Variants in CENPP observed in about 807,000 individuals in gnomAD.
CENPP encodes centromere protein P.
A neutral mutation model predicts 35.6 loss-of-function variants in CENPP; 24 were observed. The observed-to-expected ratio is 0.67, with a 90% CI of 0.49 to 0.95. The LOEUF (loss-of-function observed/expected upper bound fraction) is 0.95, where lower values mean the gene tolerates loss of function less well. Among genes scored for constraint, CENPP ranks in the 40% least tolerant of loss-of-function variants. The probability of loss-of-function intolerance (pLI) is 0.00; values close to 1 mark genes in which losing one functional copy is unlikely to be tolerated. For missense variants in CENPP, 332 were observed against 345.3 expected, an observed-to-expected ratio of 0.96 and a Z score of 0.31; for synonymous variants, 120 against 125.5, an observed-to-expected ratio of 0.96 and a Z score of 0.29.
intron 5 of CENPP, among the ~76,000 whole-genome samples, chr9:92,582,257 C>T (rs896440661): frequency 3.3e-5 from 5 of 151,966 alleles, no homozygotes; most frequent in South Asian, 2.1e-4. Context: ...GGGGTTTTGC[C>T]GTGTTGCCCA....
intron 5 of CENPP, among the ~76,000 whole-genome samples, chr9:92,388,513 C>T (rs1031522272): frequency 6.6e-6 from 1 of 151,640 alleles, no homozygotes; most frequent in African/African-American, 2.4e-5. Flanking sequence ...GAGTGACCAA[C>T]TCAAATTAAT....
At chr9:92,347,698 A>G (rs573770151) in intron 4 of CENPP, among the ~76,000 whole-genome samples, 1 of 152,210 alleles carries the variant, frequency 6.6e-6, no homozygotes, top group Admixed American at 6.5e-5. Flanking sequence ...TTCTACCTTG[A>G]TCTTCCCTTA....
chr9:92,475,249 A>T (rs961509652), intron 5 of CENPP, among the ~76,000 whole-genome samples: 5 of 152,250 alleles, frequency 3.3e-5, no homozygotes, highest in African/African-American at 1.2e-4. Flanking sequence ...ATAGTAAAAT[A>T]AAAGAGTATA....
chr9:92,573,506 C>T (rs971179712), intron 5 of CENPP, among the ~76,000 whole-genome samples: 47 of 152,290 alleles, frequency 3.1e-4, no homozygotes, highest in African/African-American at 1.1e-3. Context: ...GTCAGTCGGC[C>T]CCTACTTGGA....
chr9:92,604,009 G>A lies in CENPP; in HGVS notation c.565-7305G>A, dbSNP rs189386220. Among the ~76,000 whole-genome samples the A allele has an allele frequency of 5.0e-3, 766 of 152,284 alleles. 6 individuals are homozygous for A. Among genetic ancestry groups the A allele is most frequent in the African/African-American group, 0.011 (455 of 41,552 alleles). ...ATCACTTGCTGCTCCCAGTTTTGGC[G>A]CTCTTACTAATGATCGTTTGCATGC... On this transcript the variant is annotated intron_variant, in intron 5 of 7. Transcript: ENST00000375587.
intron 4 of CENPP, among the ~76,000 whole-genome samples, chr9:92,355,011 G>A (rs1841553663): frequency 6.6e-6 from 1 of 152,056 alleles, no homozygotes. Flanking sequence ...ACTAATAAGG[G>A]TCCAACAAAG....
intron 5 of CENPP, among the ~76,000 whole-genome samples, chr9:92,442,857 A>G (rs1260474881): frequency 6.6e-6 from 1 of 152,090 alleles, no homozygotes; most frequent in African/African-American, 2.4e-5. Flanking sequence ...TCAAAAAAAA[A>G]AAAAACATTG....
At chr9:92,567,397 G>GATAT (rs762810461) in intron 5 of CENPP, among the ~76,000 whole-genome samples, 1 of 51,582 alleles carries the variant, frequency 1.9e-5, no homozygotes, top group African/African-American at 9.2e-5. Context: ...TATATATATA[G>GATAT]ATATATATAT....
rs1851538891 is a variant in CENPP at position 92,619,071 on chromosome 9, T to C, written c.*5922T>C. 1 of 225,180 alleles carries C rather than the reference T, an allele frequency of 4.4e-6. No individual in the cohort carries two copies. Among genetic ancestry groups the C allele is most frequent in the Admixed American group, 5.1e-5 (1 of 19,490 alleles). 13.9% of individuals were successfully genotyped at this position (225,180 alleles called of 1,614,324 possible). On this transcript the variant is annotated 3_prime_UTR_variant, in exon 8 of 8. Transcript: ENST00000375587. ...AATGCGCGCCTCACAGGCTTTCAAA[T>C]GACTGTGGTGGTAAAAAGGCAGGTG... is the stretch of plus-strand genomic sequence containing the variant.
At chr9:92,416,704 G>A (rs756795412) in intron 5 of CENPP, 1 of 1,613,640 alleles carries the variant, frequency 6.2e-7, no homozygotes, top group South Asian at 1.1e-5. Flanking sequence ...GTCCAACACT[G>A]AGTTCTACAA....
intron 5 of CENPP, among the ~76,000 whole-genome samples, chr9:92,529,609 G>C (rs1848625428): frequency 6.6e-6 from 1 of 152,038 alleles, no homozygotes; most frequent in Non-Finnish European, 1.5e-5. Context: ...TCAGACAATG[G>C]AATATTATTC....
intron 5 of CENPP, among the ~76,000 whole-genome samples, chr9:92,422,823 A>G (rs761254105): frequency 6.6e-6 from 1 of 151,978 alleles, no homozygotes; most frequent in Non-Finnish European, 1.5e-5. Context: ...TCATTCCCCA[A>G]CTAATCTCTT....
intron 5 of CENPP, among the ~76,000 whole-genome samples, chr9:92,552,614 CAT>C (rs1216219356): frequency 1.3e-5 from 2 of 152,046 alleles, no homozygotes; most frequent in African/African-American, 2.4e-5. Context: ...AGCGTTTTTT[CAT>C]ATGTTTGTTG....
intron 5 of CENPP, among the ~76,000 whole-genome samples, chr9:92,430,752 T>G (rs1588125245): frequency 6.6e-6 from 1 of 152,156 alleles, no homozygotes; most frequent in South Asian, 2.1e-4. Flanking sequence ...ACTGTTCATT[T>G]TAGGACTATT....
At chr9:92,452,957 A>AT (rs1224737831) in intron 5 of CENPP, among the ~76,000 whole-genome samples, 1 of 152,048 alleles carries the variant, frequency 6.6e-6, no homozygotes, top group African/African-American at 2.4e-5. Context: ...CCCCTTTATC[A>AT]TTTTTTATTG....
At chr9:92,362,550 T>G (rs1048517093) in intron 4 of CENPP, among the ~76,000 whole-genome samples, 2 of 152,254 alleles carry the variant, frequency 1.3e-5, no homozygotes, top group Non-Finnish European at 1.5e-5. Flanking sequence ...ATAGGTGATA[T>G]TAAGTTTTTC....
chr9:92,466,697 A>G, intron 5 of CENPP: 1 of 842,876 alleles, frequency 1.2e-6, no homozygotes, highest in East Asian at 2.5e-5. Flanking sequence ...TCACCCATGT[A>G]AAAACTTTCC....
At chr9:92,368,765 G>A (rs2130848401) in intron 4 of CENPP, among the ~76,000 whole-genome samples, 1 of 152,002 alleles carries the variant, frequency 6.6e-6, no homozygotes, top group Non-Finnish European at 1.5e-5. Flanking sequence ...TGGCTCAGAT[G>A]CAGTGGTTCA....
chr9:92,545,990 C>T (rs1429725730), intron 5 of CENPP, among the ~76,000 whole-genome samples: 3 of 151,160 alleles, frequency 2.0e-5, no homozygotes, highest in African/African-American at 4.9e-5. Flanking sequence ...CAGTCAGCAC[C>T]TTGTGTCTAG....
Sources: gnomAD v4.1 joint callset for allele counts (sites outside exome capture counted in the v4.1 genomes callset) on GRCh38, gnomAD v4.1.1 for gene constraint, MANE v1.5 for transcripts, NCBI Gene and HGNC (gene_info 2026-07-23, HGNC 2026-07-21) for gene names.